ENTREP2: variants seen among roughly 807,000 people sequenced by gnomAD.
ENTREP2 encodes endosomal transmembrane epsin interactor 2, also known as protein ENTREP2.
At chr15:29,478,486 AT>A in the ENTREP2 span, among the ~76,000 whole-genome samples, 1 of 152,144 alleles carries the variant, frequency 6.6e-6, no homozygotes, top group African/African-American at 2.4e-5. Context: ...CCCAGATTTC[AT>A]GTTGAGATAT....
chr15:29,332,370 T>C, the ENTREP2 span, among the ~76,000 whole-genome samples: 1 of 152,180 alleles, frequency 6.6e-6, no homozygotes, highest in African/African-American at 2.4e-5. Context: ...TGAGACTCAA[T>C]TATTTATGCT....
the ENTREP2 span, among the ~76,000 whole-genome samples, chr15:29,556,296 G>A: frequency 6.6e-6 from 1 of 152,116 alleles, no homozygotes; most frequent in African/African-American, 2.4e-5. Context: ...TAACTGCAAT[G>A]GGTCAAGTGA....
chr15:29,556,091 A>G, the ENTREP2 span, among the ~76,000 whole-genome samples: 4 of 152,284 alleles, frequency 2.6e-5, no homozygotes, highest in South Asian at 8.3e-4. Flanking sequence ...TCCTCTCTAC[A>G]AAAATTAAAA....
chr15:29,396,185 A>G, the ENTREP2 span, among the ~76,000 whole-genome samples: 7 of 152,278 alleles, frequency 4.6e-5, no homozygotes, highest in African/African-American at 1.7e-4. Context: ...TATAGTCACT[A>G]TGCTGTACAT....
At chr15:29,459,330 CGTT>C in the ENTREP2 span, among the ~76,000 whole-genome samples, 2 of 152,102 alleles carry the variant, frequency 1.3e-5, no homozygotes, top group Admixed American at 1.3e-4. Context: ...TCTATGAAAT[CGTT>C]GGTGTGACAT....
At chr15:29,626,117 T>C in the ENTREP2 span, among the ~76,000 whole-genome samples, 1 of 152,166 alleles carries the variant, frequency 6.6e-6, no homozygotes, top group African/African-American at 2.4e-5. Flanking sequence ...AAACTTAGAA[T>C]GGTTTCTTCA....
At chr15:29,384,552 T>C in the ENTREP2 span, among the ~76,000 whole-genome samples, 3 of 152,202 alleles carry the variant, frequency 2.0e-5, no homozygotes, top group South Asian at 6.2e-4. Context: ...GGTCCCTGAT[T>C]TTCCAGCACT....
chr15:29,242,809 C>T, the ENTREP2 span, among the ~76,000 whole-genome samples: 4 of 152,300 alleles, frequency 2.6e-5, no homozygotes, highest in Non-Finnish European at 5.9e-5. Flanking sequence ...GCCCCTTGGA[C>T]GAGGGCTGAG....
the ENTREP2 span, among the ~76,000 whole-genome samples, chr15:29,561,991 G>A: frequency 3.3e-5 from 5 of 152,198 alleles, no homozygotes; most frequent in African/African-American, 4.8e-5. Flanking sequence ...TGACATCAAC[G>A]CCTCCTGATG....
chr15:29,660,185 T>C, the ENTREP2 span, among the ~76,000 whole-genome samples: 4 of 152,210 alleles, frequency 2.6e-5, no homozygotes, highest in Non-Finnish European at 5.9e-5. Flanking sequence ...CAAGGATAAA[T>C]AAATGCAAGG....
chr15:29,207,689 A>T, the ENTREP2 span, among the ~76,000 whole-genome samples: 3 of 152,142 alleles, frequency 2.0e-5, no homozygotes, highest in Admixed American at 6.5e-5. Context: ...CTGGTAAGTC[A>T]GAAAAGTTCT....
the ENTREP2 span, chr15:29,233,746 A>G: frequency 8.8e-6 from 13 of 1,480,360 alleles, no homozygotes; most frequent in African/African-American, 1.7e-4. Context: ...TGTTAACCAC[A>G]GAAGAAGGTG....
the ENTREP2 span, among the ~76,000 whole-genome samples, chr15:29,596,825 T>A: frequency 2.0e-5 from 3 of 152,070 alleles, no homozygotes; most frequent in African/African-American, 7.2e-5. Flanking sequence ...CCCGCTGCCA[T>A]GCCCAGCTAA....
the ENTREP2 span, among the ~76,000 whole-genome samples, chr15:29,657,961 T>C: frequency 0.051 from 7,774 of 152,206 alleles, 232 homozygotes; most frequent in African/African-American, 0.07. Flanking sequence ...AATGTGCTAT[T>C]GTGCTATTAA....
At chr15:29,294,226 T>A in the ENTREP2 span, among the ~76,000 whole-genome samples, 1 of 152,096 alleles carries the variant, frequency 6.6e-6, no homozygotes, top group African/African-American at 2.4e-5. Context: ...CATTGACCAA[T>A]CCTGGAAGCA....
chr15:29,540,300 A>G, the ENTREP2 span, among the ~76,000 whole-genome samples: 12 of 152,272 alleles, frequency 7.9e-5, no homozygotes, highest in African/African-American at 2.9e-4. Context: ...CACTGTTGTT[A>G]ACTATAGCCA....
At chr15:29,195,337 G>A in the ENTREP2 span, 2 of 985,078 alleles carry the variant, frequency 2.0e-6, no homozygotes, top group African/African-American at 1.7e-5. Context: ...CACCCATGGA[G>A]GACTAATCAC....
chr15:29,607,173 T>C, the ENTREP2 span, among the ~76,000 whole-genome samples: 1 of 152,202 alleles, frequency 6.6e-6, no homozygotes, highest in African/African-American at 2.4e-5. Flanking sequence ...AAGGAAGTTT[T>C]CTTGGATTAT....
the ENTREP2 span, among the ~76,000 whole-genome samples, chr15:29,493,344 G>A: frequency 3.3e-5 from 5 of 150,540 alleles, no homozygotes; most frequent in Non-Finnish European, 4.4e-5. Context: ...CGTTTTAGCC[G>A]GGATGGTCTC....
Sources: allele counts gnomAD v4.1 joint callset (sites outside exome capture counted in the v4.1 genomes callset), GRCh38; gene constraint gnomAD v4.1.1; transcripts MANE v1.5; gene names NCBI Gene and HGNC (gene_info 2026-07-23, HGNC 2026-07-21).